The following SLC8A1 variants were observed in gnomAD, a reference collection of about 807,000 sequenced individuals.
SLC8A1 encodes the protein solute carrier family 8 member A1, also known as sodium/calcium exchanger 1.
Under a neutral mutation model 68.3 loss-of-function variants are expected in SLC8A1, and 18 were observed. The observed-to-expected ratio is 0.26, with a 90% CI of 0.18 to 0.39. SLC8A1 has a LOEUF of 0.39. Ranked by LOEUF, SLC8A1 falls within the 10% of genes least tolerant of loss-of-function variation. The pLI, the probability that SLC8A1 is intolerant of heterozygous loss-of-function variation, is 1.00. For missense variants in SLC8A1, 985 were observed against 1,156.7 expected, an observed-to-expected ratio of 0.85 and a Z score of 2.15; for synonymous variants, 475 against 415.5, an observed-to-expected ratio of 1.14 and a Z score of -1.74.
At chr2:40,106,718 T>C (rs1038137606) in exon 8 of SLC8A1, 1 of 152,212 alleles carries the variant, frequency 6.6e-6, no homozygotes, top group Non-Finnish European at 1.5e-5. Flanking sequence ...AAAAATAACT[T>C]TCCATTATAA....
At position 40,131,858 on chromosome 2, in the gene SLC8A1, A is replaced by ATTT. The variant is rs71404277; in HGVS notation, c.2437+7540_2437+7542dup. ...CTGATGAGGATTATCTTGGTATTCT[A>ATTT]TTTTTTTTTTTTTTTTTTTTTTTTT... On this transcript the variant is annotated intron_variant, in intron 7 of 7. Transcript: ENST00000406785. Among the ~76,000 whole-genome samples, 749 of 95,498 alleles carry ATTT rather than the reference A, an allele frequency of 7.8e-3. 102 individuals carry two copies. Among genetic ancestry groups the ATTT allele is most frequent in the Non-Finnish European group, 8.8e-3 (442 of 50,344 alleles). 62.7% of individuals were successfully genotyped at this position (95,498 alleles called of 152,430 possible).
chr2:40,448,860 G>A (rs889454796), intron 1 of SLC8A1, among the ~76,000 whole-genome samples: 2 of 152,102 alleles, frequency 1.3e-5, no homozygotes, highest in African/African-American at 2.4e-5. Flanking sequence ...GGACCAGGAA[G>A]AGTAGAGAGA....
At chr2:40,367,952 C>A (rs775166482) in intron 2 of SLC8A1, among the ~76,000 whole-genome samples, 1 of 151,742 alleles carries the variant, frequency 6.6e-6, no homozygotes, top group Non-Finnish European at 1.5e-5. Context: ...AACTTAAATT[C>A]AGTCCTTCAT....
At chr2:40,209,771 C>T (rs923142427) in intron 2 of SLC8A1, among the ~76,000 whole-genome samples, 1 of 152,052 alleles carries the variant, frequency 6.6e-6, no homozygotes, top group South Asian at 2.1e-4. Context: ...TCTATTTTCT[C>T]AGGGAGACAG....
intron 6 of SLC8A1, among the ~76,000 whole-genome samples, chr2:40,145,446 G>C (rs2042280946): frequency 1.3e-5 from 2 of 152,182 alleles, no homozygotes. Flanking sequence ...ATGTAAAGCG[G>C]TCTGGAAAAT....
At chr2:40,493,296 G>A (rs1372188432) in intron 1 of SLC8A1, among the ~76,000 whole-genome samples, 2 of 137,486 alleles carry the variant, frequency 1.5e-5, no homozygotes, top group Non-Finnish European at 3.1e-5. Flanking sequence ...ATTGAACAAT[G>A]AGAACACATG....
chr2:40,362,504 C>G (rs1309165549), intron 2 of SLC8A1, among the ~76,000 whole-genome samples: 1 of 151,972 alleles, frequency 6.6e-6, no homozygotes, highest in Non-Finnish European at 1.5e-5. Context: ...TATAGGGTAG[C>G]AAATTCAAAA....
At chr2:40,119,000 C>T (rs2036181824) in intron 7 of SLC8A1, among the ~76,000 whole-genome samples, 1 of 152,050 alleles carries the variant, frequency 6.6e-6, no homozygotes, top group Non-Finnish European at 1.5e-5. Flanking sequence ...AGTTTAAAAT[C>T]AAAGACTCCT....
intron 1 of SLC8A1, among the ~76,000 whole-genome samples, chr2:40,458,710 T>G (rs1321542745): frequency 1.3e-5 from 2 of 152,170 alleles, no homozygotes; most frequent in African/African-American, 4.8e-5. Flanking sequence ...GGCTTGAGTT[T>G]GTAAACTAAC....
At position 40,199,808 on chromosome 2, in the gene SLC8A1, T is replaced by G. The variant is rs559908483; in HGVS notation, c.1809-21953A>C. ...CAGGACTTACATTAGGCTCTTGTTCTTAGTTTTAGTTTTAACAGGGGAACC... is the reference window on the plus strand; with the variant it reads ...CAGGACTTACATTAGGCTCTTGTTCGTAGTTTTAGTTTTAACAGGGGAACC... On this transcript the variant is annotated intron_variant, in intron 2 of 7. Transcript: ENST00000406785. 5.9e-5 allele frequency among the ~76,000 whole-genome samples: 9 copies of G among 151,724 alleles called. 1 individual carries two copies. The South Asian group carries it at 1.5e-3, about 25-fold the overall frequency.
chr2:40,322,501 TAAAAAAAAA>T lies in SLC8A1; in HGVS notation c.1808+105963_1808+105971del, dbSNP rs10708563. On this transcript the variant is annotated intron_variant, in intron 2 of 7. Transcript: ENST00000406785. ...GAGAGACCTCATCTCTACAAAAGGT[TAAAAAAAAA>T]AAAAAAAAAAAAAAAATTAGATGGG... 3.4e-4 allele frequency among the ~76,000 whole-genome samples: 33 copies of T among 97,318 alleles called. 2 individuals carry two copies. The highest frequency in any genetic ancestry group is 2.7e-3 in the Admixed American group (23 of 8,522). 63.8% of individuals were successfully genotyped at this position (97,318 alleles called of 152,430 possible). A position where few individuals can be genotyped will look rare whatever the true frequency, so the allele number is the denominator to read the frequency against.
At chr2:40,483,752 G>T (rs915201999) in intron 1 of SLC8A1, among the ~76,000 whole-genome samples, 5 of 152,220 alleles carry the variant, frequency 3.3e-5, no homozygotes, top group Admixed American at 3.3e-4. Context: ...TTCCCTCTTT[G>T]TCTTTTCTGC....
intron 4 of SLC8A1, among the ~76,000 whole-genome samples, chr2:40,168,951 T>G (rs965112969): frequency 6.6e-6 from 1 of 152,320 alleles, no homozygotes; most frequent in East Asian, 1.9e-4. Context: ...AAATCAATAT[T>G]GACAGGACAT....
chr2:40,432,027 G>T (rs1039681030), intron 1 of SLC8A1, among the ~76,000 whole-genome samples: 6 of 152,064 alleles, frequency 3.9e-5, no homozygotes, highest in Admixed American at 1.3e-4. Flanking sequence ...AATAGAGGTA[G>T]CATATTTTCA....
chr2:40,473,015 AG>A (rs1038314918), intron 1 of SLC8A1, among the ~76,000 whole-genome samples: 5 of 130,306 alleles, frequency 3.8e-5, no homozygotes, highest in Non-Finnish European at 1.5e-5. Flanking sequence ...GGAAGTCAGG[AG>A]GGTAACCTGA....
rs139325242 is a variant in SLC8A1 at position 40,147,881 on chromosome 2, C to T, written c.2162-8205G>A. The stretch of plus-strand genomic sequence containing the variant: ...TGCATGTAGGTAAAAGTGTACATCC[C>T]ACTTAGTCTTCATCCTCCCAGGAGC... On this transcript the variant is annotated intron_variant, in intron 6 of 7. Coordinates refer to ENST00000406785, the Ensembl canonical transcript of SLC8A1. 2.7e-3 allele frequency among the ~76,000 whole-genome samples: 404 copies of T among 152,216 alleles called. 2 individuals are homozygous for T. Among genetic ancestry groups the T allele is most frequent in the African/African-American group, 9.3e-3 (385 of 41,534 alleles).
At chr2:40,222,071 A>G (rs2058405221) in intron 2 of SLC8A1, among the ~76,000 whole-genome samples, 1 of 152,078 alleles carries the variant, frequency 6.6e-6, no homozygotes, top group Non-Finnish European at 1.5e-5. Context: ...AGACAATCCT[A>G]AGCAGAAAGA....
chr2:40,200,249 T>TAA (rs1461541616), intron 2 of SLC8A1, among the ~76,000 whole-genome samples: 33 of 26,942 alleles, frequency 1.2e-3, no homozygotes, highest in South Asian at 3.0e-3. Flanking sequence ...AATATATATA[T>TAA]ATATATATAT....
intron 1 of SLC8A1, among the ~76,000 whole-genome samples, chr2:40,475,874 AT>A (rs1032037629): frequency 6.6e-6 from 1 of 151,908 alleles, no homozygotes; most frequent in African/African-American, 2.4e-5. Flanking sequence ...TTTCAGTACT[AT>A]TTTCCCCCAA....
Sources: gnomAD v4.1 joint callset for allele counts (sites outside exome capture counted in the v4.1 genomes callset) on GRCh38, gnomAD v4.1.1 for gene constraint, MANE v1.5 for transcripts, NCBI Gene and HGNC (gene_info 2026-07-23, HGNC 2026-07-21) for gene names.